CPQ: variants seen among roughly 807,000 people sequenced by gnomAD.
CPQ encodes carboxypeptidase Q.
Under a neutral mutation model 45.7 loss-of-function variants are expected in CPQ, and 37 were observed. The ratio of observed to expected loss-of-function variants is 0.81; its 90% CI spans 0.62 to 1.07. CPQ has a LOEUF of 1.07. CPQ is among the 50% of genes least tolerant of loss of function. The probability of loss-of-function intolerance (pLI) is 0.00; values close to 1 mark genes in which losing one functional copy is unlikely to be tolerated. For missense variants in CPQ, 537 were observed against 572.9 expected, an observed-to-expected ratio of 0.94 and a Z score of 0.64; for synonymous variants, 186 against 205.8, an observed-to-expected ratio of 0.90 and a Z score of 0.82.
chr8:96,977,628 G>T (rs1391598536), intron 5 of CPQ, among the ~76,000 whole-genome samples: 1 of 152,052 alleles, frequency 6.6e-6, no homozygotes, highest in Non-Finnish European at 1.5e-5. Flanking sequence ...ATATATCATG[G>T]AATATTACTC....
chr8:97,045,085 C>G (rs1049356792), intron 6 of CPQ, among the ~76,000 whole-genome samples: 4 of 152,350 alleles, frequency 2.6e-5, no homozygotes, highest in South Asian at 2.1e-4. Context: ...GCCCTGCCCC[C>G]AGAGGTGGAG....
At chr8:97,011,628 C>G (rs1809485701) in intron 5 of CPQ, among the ~76,000 whole-genome samples, 1 of 152,162 alleles carries the variant, frequency 6.6e-6, no homozygotes, top group African/African-American at 2.4e-5. Context: ...CTGTATAATA[C>G]TGGTCAAGTG....
At chr8:96,759,579 C>A (rs1810372547) in intron 1 of CPQ, among the ~76,000 whole-genome samples, 1 of 152,152 alleles carries the variant, frequency 6.6e-6, no homozygotes, top group South Asian at 2.1e-4. Flanking sequence ...CTGTATCTCT[C>A]ACAGAGTGCT....
At chr8:96,675,402 A>G (rs1809063975) in intron 1 of CPQ, among the ~76,000 whole-genome samples, 1 of 152,004 alleles carries the variant, frequency 6.6e-6, no homozygotes, top group Non-Finnish European at 1.5e-5. Flanking sequence ...CATTCTTTTT[A>G]ATTAGCTTCA....
chr8:97,084,588 C>T (rs962976322), intron 7 of CPQ, among the ~76,000 whole-genome samples: 2 of 152,170 alleles, frequency 1.3e-5, no homozygotes, highest in Non-Finnish European at 2.9e-5. Flanking sequence ...CTTTTGGCAT[C>T]CCACATCTGT....
chr8:97,040,964 C>T (rs563347071), intron 6 of CPQ, among the ~76,000 whole-genome samples: 3,128 of 151,784 alleles, frequency 0.021, 97 homozygotes, highest in African/African-American at 0.067. Flanking sequence ...CTTGGTGATG[C>T]GGGCTCTTTT....
intron 5 of CPQ, among the ~76,000 whole-genome samples, chr8:97,022,932 G>A (rs974050928): frequency 5.0e-5 from 4 of 80,498 alleles, no homozygotes; most frequent in Non-Finnish European, 6.1e-5. Context: ...TTGCACACAC[G>A]TTTATAGCAG....
intron 7 of CPQ, among the ~76,000 whole-genome samples, chr8:97,084,803 G>A (rs556738546): frequency 7.0e-6 from 1 of 143,512 alleles, no homozygotes; most frequent in African/African-American, 2.8e-5. Context: ...ATTATGATGT[G>A]TGTATACTCT....
chr8:96,941,552 A>G (rs1263216517), intron 4 of CPQ, among the ~76,000 whole-genome samples: 1 of 152,048 alleles, frequency 6.6e-6, no homozygotes, highest in Non-Finnish European at 1.5e-5. Context: ...TATGGTTACT[A>G]TTAGTAGTAA....
chr8:97,048,523 T>A (rs562282865), intron 6 of CPQ, among the ~76,000 whole-genome samples: 3 of 152,348 alleles, frequency 2.0e-5, no homozygotes, highest in Non-Finnish European at 4.4e-5. Flanking sequence ...GTTCAGGAGA[T>A]AAAACTATTT....
At chr8:97,005,139 T>C (rs1034141576) in intron 5 of CPQ, among the ~76,000 whole-genome samples, 1 of 151,636 alleles carries the variant, frequency 6.6e-6, no homozygotes, top group Non-Finnish European at 1.5e-5. Context: ...TGGAGTGTGG[T>C]GGTGTGATCT....
intron 3 of CPQ, among the ~76,000 whole-genome samples, chr8:96,854,046 T>C (rs1811807744): frequency 6.6e-6 from 1 of 152,176 alleles, no homozygotes; most frequent in African/African-American, 2.4e-5. Flanking sequence ...TTTTAACATG[T>C]TTAAATTTCT....
At chr8:96,678,774 T>TTTC (rs1554613585) in intron 1 of CPQ, among the ~76,000 whole-genome samples, 2 of 149,108 alleles carry the variant, frequency 1.3e-5, no homozygotes, top group Admixed American at 6.6e-5. Flanking sequence ...TTTTTTTTTT[T>TTTC]AGCTGTTGAG....
At chr8:96,940,376 C>T (rs1813110210) in intron 4 of CPQ, among the ~76,000 whole-genome samples, 1 of 152,120 alleles carries the variant, frequency 6.6e-6, no homozygotes, top group Non-Finnish European at 1.5e-5. Flanking sequence ...TTCTTTTTAC[C>T]AAATTTGACT....
chr8:96,718,926 G>C (rs1809724573), intron 1 of CPQ, among the ~76,000 whole-genome samples: 1 of 152,184 alleles, frequency 6.6e-6, no homozygotes, highest in Admixed American at 6.5e-5. Flanking sequence ...CAAACCTTGA[G>C]CTAGATACAG....
chr8:96,713,033 A>T (rs1027814006), intron 1 of CPQ, among the ~76,000 whole-genome samples: 1 of 152,106 alleles, frequency 6.6e-6, no homozygotes, highest in African/African-American at 2.4e-5. Context: ...GCAGGGGCAA[A>T]ATGCCACCAG....
chr8:96,657,557 G>C (rs2130708884), intron 1 of CPQ, among the ~76,000 whole-genome samples: 1 of 152,304 alleles, frequency 6.6e-6, no homozygotes, highest in Middle Eastern at 3.4e-3. Flanking sequence ...TCTGTAGAGG[G>C]AAGTGAAGCC....
At chr8:96,791,291 A>AT (rs1810842016) in intron 2 of CPQ, among the ~76,000 whole-genome samples, 2 of 152,122 alleles carry the variant, frequency 1.3e-5, no homozygotes, top group South Asian at 4.1e-4. Flanking sequence ...TAAGATTACT[A>AT]TTTTTAGCCA....
intron 7 of CPQ, among the ~76,000 whole-genome samples, chr8:97,086,724 C>T (rs1342233450): frequency 2.0e-5 from 3 of 152,162 alleles, no homozygotes; most frequent in Non-Finnish European, 4.4e-5. Context: ...TCAGTTTCTG[C>T]TTTGTAGTTA....
Sources: allele counts gnomAD v4.1 joint callset (sites outside exome capture counted in the v4.1 genomes callset), GRCh38; gene constraint gnomAD v4.1.1; transcripts MANE v1.5; gene names NCBI Gene and HGNC (gene_info 2026-07-23, HGNC 2026-07-21).